TLK1: variants seen among roughly 807,000 people sequenced by gnomAD.
TLK1 encodes the protein serine/threonine-protein kinase tousled-like 1.
Under a neutral mutation model 105.3 loss-of-function variants are expected in TLK1, and 24 were observed. The observed-to-expected ratio is 0.23, with a 90% confidence interval of 0.17 to 0.32. The LOEUF (loss-of-function observed/expected upper bound fraction) is 0.32. Ranked by LOEUF, TLK1 falls within the 10% of genes least tolerant of loss-of-function variation. TLK1 has a pLI of 1.00. For missense variants in TLK1, 558 were observed against 910.5 expected (o/e 0.61, Z 4.98); for synonymous variants, 321 against 310.4 (o/e 1.03, Z -0.36).
chr2:171,004,388 A>G (rs1372450927), intron 18 of TLK1, among the ~76,000 whole-genome samples: 1 of 152,124 alleles, frequency 6.6e-6, no homozygotes, highest in African/African-American at 2.4e-5. Context: ...GGACCCATGC[A>G]TTTCAAACCT....
At chr2:171,095,829 T>C (rs979317003) in intron 2 of TLK1, among the ~76,000 whole-genome samples, 2 of 152,020 alleles carry the variant, frequency 1.3e-5, no homozygotes, top group Non-Finnish European at 2.9e-5. Flanking sequence ...CCTTTTGTGA[T>C]TAAACTCTCA....
chr2:171,099,217 C>T (rs1184329567), intron 2 of TLK1, among the ~76,000 whole-genome samples: 1 of 151,984 alleles, frequency 6.6e-6, no homozygotes, highest in South Asian at 2.1e-4. Flanking sequence ...TATAAAACAG[C>T]AAAGAGCAAT....
intron 1 of TLK1, among the ~76,000 whole-genome samples, chr2:171,127,874 A>C (rs1269114824): frequency 6.6e-6 from 1 of 152,112 alleles, no homozygotes; most frequent in Non-Finnish European, 1.5e-5. Flanking sequence ...CTATCTACAT[A>C]TATAGATATA....
At position 171,003,228 on chromosome 2, in the gene TLK1, C is replaced by T. The variant is rs987679807; in HGVS notation, c.1904+2919G>A. Among the ~76,000 whole-genome samples, 43 of 133,092 alleles carry T rather than the reference C, an allele frequency of 3.2e-4. 1 individual carries two copies. Among genetic ancestry groups the T allele is most frequent in the African/African-American group, 9.5e-4 (32 of 33,744 alleles). 87.3% of individuals were successfully genotyped at this position (133,092 alleles called of 152,430 possible). A position where few individuals can be genotyped will look rare whatever the true frequency, so the allele number is the denominator to read the frequency against. ...GGCGGAGCTTGCAGTGAGCCGAGAT[C>T]GCACCACTGCACTCCAGCCTGGGCG... On this transcript the variant is annotated intron_variant, in intron 18 of 20. Coordinates refer to ENST00000431350, the MANE Select transcript of TLK1 (RefSeq NM_012290.5).
chr2:171,084,181 G>C (rs183483334), intron 2 of TLK1, among the ~76,000 whole-genome samples: 19 of 152,094 alleles, frequency 1.2e-4, no homozygotes, highest in African/African-American at 4.6e-4. Context: ...TCTGATAACC[G>C]AGAACAAAAG....
At chr2:171,166,817 T>C (rs1464826332) in intron 1 of TLK1, among the ~76,000 whole-genome samples, 1 of 152,108 alleles carries the variant, frequency 6.6e-6, no homozygotes, top group Non-Finnish European at 1.5e-5. Flanking sequence ...AACCTGGAAA[T>C]TACCCAAATG....
intron 2 of TLK1, among the ~76,000 whole-genome samples, chr2:171,095,534 A>T (rs1246683543): frequency 6.6e-6 from 1 of 152,188 alleles, no homozygotes; most frequent in African/African-American, 2.4e-5. Context: ...AAATTCCTAG[A>T]AAGACACAAG....
intron 1 of TLK1, among the ~76,000 whole-genome samples, chr2:171,166,430 T>C (rs550758351): frequency 3.3e-5 from 5 of 152,356 alleles, no homozygotes; most frequent in African/African-American, 1.2e-4. Context: ...AGGGGAAGAA[T>C]AGGCCAAATG....
At chr2:171,060,669 AGGAT>A (rs1180151368) in intron 4 of TLK1, among the ~76,000 whole-genome samples, 1 of 152,230 alleles carries the variant, frequency 6.6e-6, no homozygotes, top group Non-Finnish European at 1.5e-5. Flanking sequence ...TATGCAAGAA[AGGAT>A]GGAAAGAAAA....
chr2:171,210,518 C>T (rs1397731794), intron 1 of TLK1, among the ~76,000 whole-genome samples: 1 of 152,082 alleles, frequency 6.6e-6, no homozygotes, highest in Non-Finnish European at 1.5e-5. Flanking sequence ...ATTTCGATTT[C>T]AGACGTAATC....
chr2:170,997,699 GAATTC>G lies in TLK1; in HGVS notation c.2016+8_2016+12del, dbSNP rs773189367. 6 of 1,538,454 alleles carry G rather than the reference GAATTC, an allele frequency of 3.9e-6. No homozygotes were observed. The highest frequency in any genetic ancestry group is 5.3e-6 in the Non-Finnish European group (6 of 1,125,410). Reference sequence around the variant, plus strand: ...ATCTCTGTAGAGCTGAAGGCTGGTAGAATTCAATTTACCTTTCTACCATAAAGACA... The same window carrying G: ...ATCTCTGTAGAGCTGAAGGCTGGTAGAATTTACCTTTCTACCATAAAGACA... On this transcript the variant is annotated splice_region_variant and intron_variant, in intron 19 of 20. Transcript: ENST00000431350.
intron 1 of TLK1, among the ~76,000 whole-genome samples, chr2:171,118,604 T>TTA (rs1341405274): frequency 6.6e-6 from 1 of 152,216 alleles, no homozygotes; most frequent in Non-Finnish European, 1.5e-5. Context: ...GATGTTATTG[T>TTA]TATTATGCAG....
At chr2:171,063,864 T>A (rs1333753108) in intron 3 of TLK1, among the ~76,000 whole-genome samples, 3 of 152,220 alleles carry the variant, frequency 2.0e-5, no homozygotes, top group Admixed American at 2.0e-4. Context: ...GAAGATACAA[T>A]AAATTTTCAA....
At chr2:171,138,601 T>C (rs950397637) in intron 1 of TLK1, among the ~76,000 whole-genome samples, 16 of 152,182 alleles carry the variant, frequency 1.1e-4, no homozygotes, top group African/African-American at 3.9e-4. Context: ...ATAGTAAGCC[T>C]TGGCAGTAAT....
intron 3 of TLK1, among the ~76,000 whole-genome samples, chr2:171,076,058 A>C (rs1351433235): frequency 6.6e-6 from 1 of 152,126 alleles, no homozygotes; most frequent in Non-Finnish European, 1.5e-5. Context: ...TCTCCACTAA[A>C]AATATAAAAC....
chr2:171,114,324 G>A (rs1024777946), intron 2 of TLK1, among the ~76,000 whole-genome samples: 3 of 152,232 alleles, frequency 2.0e-5, no homozygotes, highest in Non-Finnish European at 2.9e-5. Context: ...GGACTTTGCA[G>A]AAGTGATTAA....
chr2:171,128,637 T>C (rs564509680), intron 1 of TLK1, among the ~76,000 whole-genome samples: 2 of 152,154 alleles, frequency 1.3e-5, no homozygotes, highest in Non-Finnish European at 2.9e-5. Context: ...CCTAATTTCT[T>C]TATGCTAATA....
At chr2:171,116,688 A>G (rs1392902641) in intron 2 of TLK1, among the ~76,000 whole-genome samples, 4 of 137,490 alleles carry the variant, frequency 2.9e-5, no homozygotes, top group African/African-American at 1.2e-4. Flanking sequence ...CGACAAAGTG[A>G]GACTCCCTCA....
intron 1 of TLK1, among the ~76,000 whole-genome samples, chr2:171,211,192 T>C (rs1009685694): frequency 1.5e-4 from 23 of 152,250 alleles, no homozygotes; most frequent in African/African-American, 5.1e-4. Context: ...TGTTAGTGCC[T>C]GTAACACAGT....
Sources: gnomAD v4.1 joint callset for allele counts (sites outside exome capture counted in the v4.1 genomes callset) on GRCh38, gnomAD v4.1.1 for gene constraint, MANE v1.5 for transcripts, NCBI Gene and HGNC (gene_info 2026-07-23, HGNC 2026-07-21) for gene names.